CDH13: variants seen among roughly 807,000 people sequenced by gnomAD.
CDH13 encodes the protein cadherin 13.
In CDH13, 24 loss-of-function variants were observed where a neutral mutation model predicts 63.8. That is an observed-to-expected ratio of 0.38 (90% confidence interval 0.27 to 0.53). The LOEUF (loss-of-function observed/expected upper bound fraction) is 0.53. Ranked by LOEUF, CDH13 falls within the 20% of genes least tolerant of loss-of-function variation. The probability of loss-of-function intolerance (pLI) is 0.85; values close to 1 mark genes in which losing one functional copy is unlikely to be tolerated. For missense variants in CDH13, 1,049 were observed against 903.1 expected (o/e 1.16, Z -2.07); for synonymous variants, 503 against 355.3 (o/e 1.42, Z -4.67).
chr16:83,271,550 G>A (rs760343391), intron 5 of CDH13, among the ~76,000 whole-genome samples: 2 of 139,172 alleles, frequency 1.4e-5, no homozygotes, highest in Non-Finnish European at 3.0e-5. Flanking sequence ...GCTGTACCTA[G>A]AAGTAACTGT....
At chr16:82,942,253 T>C (rs1991022) in intron 2 of CDH13, among the ~76,000 whole-genome samples, 44,539 of 152,014 alleles carry the variant, frequency 0.29, 7,621 homozygotes, top group African/African-American at 0.47. Context: ...TTCCAGTTGC[T>C]GCCGCAAAAT....
At chr16:83,418,812 G>C (rs1166073777) in intron 6 of CDH13, among the ~76,000 whole-genome samples, 1 of 152,142 alleles carries the variant, frequency 6.6e-6, no homozygotes, top group Non-Finnish European at 1.5e-5. Context: ...AGTTCAACTT[G>C]GAGTACTGAA....
chr16:83,383,261 C>T (rs1265798514), intron 6 of CDH13: 1 of 152,200 alleles, frequency 6.6e-6, no homozygotes, highest in Admixed American at 6.5e-5. Flanking sequence ...CTGGGGCACA[C>T]ACAACCAACC....
intron 2 of CDH13, among the ~76,000 whole-genome samples, chr16:82,914,704 C>A (rs1385620464): frequency 6.6e-6 from 1 of 152,192 alleles, no homozygotes; most frequent in Admixed American, 6.5e-5. Flanking sequence ...AGGCATGGGG[C>A]AGGTGAAATG....
intron 1 of CDH13, among the ~76,000 whole-genome samples, chr16:82,766,987 C>T (rs1225500246): frequency 6.6e-6 from 1 of 152,152 alleles, no homozygotes; most frequent in African/African-American, 2.4e-5. Context: ...ACGCATTTTA[C>T]CACCTATCTT....
At chr16:83,278,695 A>G (rs1333590274) in intron 5 of CDH13, among the ~76,000 whole-genome samples, 1 of 152,196 alleles carries the variant, frequency 6.6e-6, no homozygotes, top group Admixed American at 6.5e-5. Context: ...GTAGTCTTTC[A>G]TATGTCAGCA....
At chr16:82,694,544 A>G (rs1315633249) in intron 1 of CDH13, among the ~76,000 whole-genome samples, 3 of 152,120 alleles carry the variant, frequency 2.0e-5, no homozygotes, top group Non-Finnish European at 4.4e-5. Context: ...ATAAAACTGA[A>G]TCTCCCCTCC....
At chr16:82,977,659 C>G (rs1909707007) in intron 2 of CDH13, among the ~76,000 whole-genome samples, 1 of 152,120 alleles carries the variant, frequency 6.6e-6, no homozygotes, top group African/African-American at 2.4e-5. Context: ...TATAAATTAC[C>G]CAGTCTCAGG....
chr16:83,613,191 G>T (rs982428267), intron 8 of CDH13, among the ~76,000 whole-genome samples: 5 of 152,154 alleles, frequency 3.3e-5, no homozygotes, highest in Admixed American at 6.5e-5. Context: ...TGAAAGAAAC[G>T]TGTCTCTTTT....
At chr16:83,290,404 G>C (rs1018765362) in intron 5 of CDH13, among the ~76,000 whole-genome samples, 1 of 152,038 alleles carries the variant, frequency 6.6e-6, no homozygotes, top group Non-Finnish European at 1.5e-5. Context: ...TTCCCATGCT[G>C]TTCTCATGGT....
chr16:82,758,849 A>G (rs2151080397), intron 1 of CDH13, among the ~76,000 whole-genome samples: 2 of 152,294 alleles, frequency 1.3e-5, no homozygotes, highest in Middle Eastern at 3.4e-3. Context: ...GAGTTAGCAT[A>G]CTTCAGTTTT....
At chr16:83,265,465 C>A (rs1907495700) in intron 5 of CDH13, among the ~76,000 whole-genome samples, 1 of 152,140 alleles carries the variant, frequency 6.6e-6, no homozygotes, top group Non-Finnish European at 1.5e-5. Flanking sequence ...TCTTTCAGCT[C>A]CCTTTTACAT....
At chr16:82,633,091 C>T (rs1043863840) in intron 1 of CDH13, among the ~76,000 whole-genome samples, 1 of 152,186 alleles carries the variant, frequency 6.6e-6, no homozygotes, top group East Asian at 1.9e-4. Context: ...GGGCCACTCA[C>T]CTCCTGCTGT....
At chr16:83,160,105 C>T (rs923505587) in intron 4 of CDH13, among the ~76,000 whole-genome samples, 3 of 151,948 alleles carry the variant, frequency 2.0e-5, no homozygotes, top group Non-Finnish European at 2.9e-5. Context: ...AAAATTGTTA[C>T]ATAATGCACC....
chr16:82,802,456 G>A (rs553693066), intron 1 of CDH13, among the ~76,000 whole-genome samples: 1 of 152,148 alleles, frequency 6.6e-6, no homozygotes. Flanking sequence ...TCAGTGATCT[G>A]TTGAGAGATT....
At chr16:83,518,874 C>T (rs981495555) in intron 7 of CDH13, among the ~76,000 whole-genome samples, 4 of 152,156 alleles carry the variant, frequency 2.6e-5, no homozygotes, top group Admixed American at 1.3e-4. Context: ...CATGATTGTA[C>T]GTTTCCTGAA....
chr16:83,105,481 T>C (rs201292050), intron 3 of CDH13, among the ~76,000 whole-genome samples: 2 of 152,168 alleles, frequency 1.3e-5, no homozygotes, highest in African/African-American at 4.8e-5. Context: ...AGGAGAACAG[T>C]GTCCCTTCCA....
intron 5 of CDH13, among the ~76,000 whole-genome samples, chr16:83,294,243 T>C (rs1377120322): frequency 3.9e-5 from 6 of 152,220 alleles, no homozygotes; most frequent in African/African-American, 1.2e-4. Flanking sequence ...GTGTTAAGAA[T>C]ATTTTACATT....
chr16:83,116,629 G>A (rs959259508), intron 3 of CDH13, among the ~76,000 whole-genome samples: 7 of 152,210 alleles, frequency 4.6e-5, no homozygotes, highest in Non-Finnish European at 1.0e-4. Flanking sequence ...TGGTAAAGTG[G>A]GAATGACTGC....
Sources: gnomAD v4.1 joint callset for allele counts (sites outside exome capture counted in the v4.1 genomes callset) on GRCh38, gnomAD v4.1.1 for gene constraint, MANE v1.5 for transcripts, NCBI Gene and HGNC (gene_info 2026-07-23, HGNC 2026-07-21) for gene names.